Variants in PARD6B observed in about 807,000 individuals in gnomAD.
PARD6B encodes the protein partitioning defective 6 homolog beta.
PARD6B carries 4 observed loss-of-function variants against 10.5 expected under a neutral mutation model. That is an observed-to-expected ratio of 0.38 (90% confidence interval 0.19 to 0.87). The LOEUF is 0.87. Ranked by LOEUF, PARD6B falls within the 40% of genes least tolerant of loss-of-function variation. PARD6B has a pLI of 0.41. For synonymous variants in PARD6B, 169 were observed against 170.4 expected, an observed-to-expected ratio of 0.99 and a Z score of 0.07; for missense variants, 396 against 470.6, an observed-to-expected ratio of 0.84 and a Z score of 1.47.
chr20:50,744,496 G>A (rs900110971), intron 2 of PARD6B, among the ~76,000 whole-genome samples: 1 of 152,088 alleles, frequency 6.6e-6, no homozygotes, highest in Non-Finnish European at 1.5e-5. Context: ...AACCAAATGA[G>A]TTCACTATCA....
At chr20:50,736,819 G>C (rs2087502107) in intron 1 of PARD6B, among the ~76,000 whole-genome samples, 1 of 151,530 alleles carries the variant, frequency 6.6e-6, no homozygotes, top group South Asian at 2.1e-4. Context: ...TCCTGCCTCA[G>C]CCTCCTGAGT....
At chr20:50,737,786 G>T in intron 1 of PARD6B, 71 bp from the exon 2 acceptor site, 5 of 981,676 alleles carry the variant, frequency 5.1e-6, no homozygotes, top group South Asian at 2.0e-5. Flanking sequence ...TTTTTCTATG[G>T]CATGCATTTT....
rs565068464 is a variant in PARD6B, at chr20:50,750,954, ATTTTTTTTTTTT to A, written c.*487_*498del. On this transcript the variant is annotated 3_prime_UTR_variant, in exon 3 of 3. Coordinates refer to ENST00000371610, the MANE Select transcript of PARD6B (RefSeq NM_032521.3). ...CTCATGTTCCCAATATTTTATTTTGATTTTTTTTTTTTTTTTTTTTTTTTTTTTTTTTAGTGA... is the reference window on the plus strand; with the variant it reads ...CTCATGTTCCCAATATTTTATTTTGATTTTTTTTTTTTTTTTTTTTAGTGA... 7.7e-3 allele frequency: 2,968 copies of A among 386,884 alleles called. 10 individuals are homozygous for A. The highest frequency in any genetic ancestry group is 0.026 in the South Asian group (154 of 5,992). 24.0% of individuals were successfully genotyped at this position (386,884 alleles called of 1,614,324 possible). A position where few individuals can be genotyped will look rare whatever the true frequency, so the allele number is the denominator to read the frequency against.
chr20:50,749,514 T>A, intron 2 of PARD6B, 145 bp from the exon 3 acceptor site: 1 of 723,590 alleles, frequency 1.4e-6, no homozygotes. Context: ...CTGTACTAGA[T>A]TATGATCTGA....
chr20:50,738,120 A>G (rs755039685), intron 2 of PARD6B, 41 bp downstream of exon 2: 1 of 1,453,222 alleles, frequency 6.9e-7, no homozygotes, highest in Non-Finnish European at 9.4e-7. Flanking sequence ...AGAAATAGAA[A>G]TAGTGTATTT....
At chr20:50,745,284 C>T in intron 2 of PARD6B, among the ~76,000 whole-genome samples, 1 of 151,946 alleles carries the variant, frequency 6.6e-6, no homozygotes, top group Non-Finnish European at 1.5e-5. Context: ...ATTAGCCGGG[C>T]ATGGTGGTGC....
intron 2 of PARD6B, among the ~76,000 whole-genome samples, chr20:50,741,018 T>C (rs942240937): frequency 2.0e-5 from 3 of 150,616 alleles, no homozygotes; most frequent in Non-Finnish European, 3.0e-5. Flanking sequence ...TGGAGTGCAG[T>C]GGTGCAATCT....
Position 50,750,803 on chromosome 20 carries a change from A to C in PARD6B, c.*315A>C. ...GAGAAGACTAGATCATTTCTGTTGG[A>C]AGTGGTTGCATATTTAACCTGCTGT... On this transcript the variant is annotated 3_prime_UTR_variant, in exon 3 of 3. Transcript: ENST00000371610. 9.1e-7 allele frequency: 1 copy of C among 1,093,084 alleles called. No homozygotes were observed. 67.7% of individuals were successfully genotyped at this position (1,093,084 alleles called of 1,614,324 possible).
chr20:50,742,052 C>T lies in PARD6B; in HGVS notation c.289+3973C>T, dbSNP rs565230512. 8.5e-5 allele frequency among the ~76,000 whole-genome samples: 13 copies of T among 152,134 alleles called. No individual in the cohort carries two copies. In the South Asian group the frequency reaches 1.9e-3, roughly 22 times the overall value. ...AGGCAGAAGTTACACTTAATATGTA[C>T]TGGTGTTTTGTTTTGTTTTGTTTTA... On this transcript the variant is annotated intron_variant, in intron 2 of 2. Transcript: ENST00000371610.
intron 2 of PARD6B, 96 bp downstream of exon 2, chr20:50,738,175 TA>T: frequency 1.2e-6 from 1 of 820,814 alleles, no homozygotes; most frequent in Admixed American, 3.4e-5. Flanking sequence ...ACTTAGTGAA[TA>T]AACATTTTGT....
At position 50,750,948 on chromosome 20, in the gene PARD6B, ATTTTGATTTTTTT is replaced by A; in HGVS notation, c.*465_*477del. The stretch of plus-strand genomic sequence containing the variant: ...AAAGGTCTCATGTTCCCAATATTTT[ATTTTGATTTTTTT>A]TTTTTTTTTTTTTTTTTTTTTTTTT... On this transcript the variant is annotated 3_prime_UTR_variant, in exon 3 of 3. Transcript: ENST00000371610. The A allele has an allele frequency of 9.5e-6, 3 of 315,506 alleles. No individual in the cohort carries two copies. Among genetic ancestry groups the A allele is most frequent in the Non-Finnish European group, 1.1e-5 (3 of 265,890 alleles). The allele number at this position is 315,506 out of a possible 1,614,324, so 19.5% of individuals were successfully genotyped here. A position where few individuals can be genotyped will look rare whatever the true frequency, so the allele number is the denominator to read the frequency against.
chr20:50,734,038 T>C (rs1302739893), intron 1 of PARD6B, among the ~76,000 whole-genome samples: 1 of 152,200 alleles, frequency 6.6e-6, no homozygotes, highest in Non-Finnish European at 1.5e-5. Context: ...AACTGTGTCT[T>C]TTAAATAGAA....
rs565637020 is a variant in PARD6B at position 50,751,039 on chromosome 20, A to G, written c.*551A>G. 1.0e-5 allele frequency: 6 copies of G among 572,930 alleles called. No individual in the cohort carries two copies. The highest frequency in any genetic ancestry group is 8.1e-5 in the South Asian group (1 of 12,350). The allele number at this position is 572,930 out of a possible 1,614,324, so 35.5% of individuals were successfully genotyped here. A position where few individuals can be genotyped will look rare whatever the true frequency, so the allele number is the denominator to read the frequency against. On this transcript the variant is annotated 3_prime_UTR_variant, in exon 3 of 3. Coordinates refer to ENST00000371610, the MANE Select transcript of PARD6B (RefSeq NM_032521.3). ...CACTGGAATGCAGTGGCATGATCAC[A>G]GCTCTCTGCAGCCTCAATCCCCTGG...
At chr20:50,741,106 G>A (rs1433699986) in intron 2 of PARD6B, among the ~76,000 whole-genome samples, 1 of 151,868 alleles carries the variant, frequency 6.6e-6, no homozygotes, top group Non-Finnish European at 1.5e-5. Context: ...GACTACAGGT[G>A]CATGCCACCA....
At chr20:50,734,575 A>ATCTT (rs1488156321) in intron 1 of PARD6B, among the ~76,000 whole-genome samples, 3 of 151,876 alleles carry the variant, frequency 2.0e-5, no homozygotes, top group Admixed American at 2.0e-4. Context: ...GCCCAGTCTG[A>ATCTT]TCTTGAACAC....
rs1269984416 is a variant in PARD6B, at chr20:50,752,121, A to G, written c.*1633A>G. On this transcript the variant is annotated 3_prime_UTR_variant, in exon 3 of 3. Coordinates refer to ENST00000371610, the MANE Select transcript of PARD6B (RefSeq NM_032521.3). ...TATATAATTTATGTTTTAAAAGGCA[A>G]TTCTCTTGACTTTGGAAATATGGAA... 4 of 985,408 alleles carry G rather than the reference A, an allele frequency of 4.1e-6. No individual in the cohort carries two copies. The highest frequency in any genetic ancestry group is 4.7e-5 in the South Asian group (1 of 21,282). The allele number at this position is 985,408 out of a possible 1,614,324, so 61.0% of individuals were successfully genotyped here.
At chr20:50,748,944 C>A (rs569124029) in intron 2 of PARD6B, among the ~76,000 whole-genome samples, 1 of 152,030 alleles carries the variant, frequency 6.6e-6, no homozygotes, top group South Asian at 2.1e-4. Context: ...GAGGCTGAGG[C>A]GGGAGGATCT....
chr20:50,746,205 T>C (rs976973662), intron 2 of PARD6B, among the ~76,000 whole-genome samples: 1 of 152,202 alleles, frequency 6.6e-6, no homozygotes, highest in African/African-American at 2.4e-5. Flanking sequence ...GGAATGAGAT[T>C]ACTAGGCTTT....
chr20:50,734,143 A>G (rs2087486877), intron 1 of PARD6B, among the ~76,000 whole-genome samples: 1 of 152,230 alleles, frequency 6.6e-6, no homozygotes, highest in Non-Finnish European at 1.5e-5. Context: ...GAGTGTTTCT[A>G]GTATGTCTAT....
Sources: allele counts gnomAD v4.1 joint callset (sites outside exome capture counted in the v4.1 genomes callset), GRCh38; gene constraint gnomAD v4.1.1; transcripts MANE v1.5; gene names NCBI Gene and HGNC (gene_info 2026-07-23, HGNC 2026-07-21).